The following ARHGAP42 variants were observed in gnomAD, a reference collection of about 807,000 sequenced individuals.
ARHGAP42 encodes the protein Rho GTPase activating protein 42, also known as rho GTPase-activating protein 42.
ARHGAP42 carries 63 observed loss-of-function variants against 125.0 expected under a neutral mutation model. The ratio of observed to expected loss-of-function variants is 0.50; its 90% CI spans 0.41 to 0.62. ARHGAP42 has a LOEUF of 0.62. ARHGAP42 is among the 20% of genes least tolerant of loss of function. The probability of loss-of-function intolerance (pLI) is 0.00; values close to 1 mark genes in which losing one functional copy is unlikely to be tolerated. For synonymous variants in ARHGAP42, 339 were observed against 351.0 expected, an observed-to-expected ratio of 0.97 and a Z score of 0.38; for missense variants, 766 against 1,024.2, an observed-to-expected ratio of 0.75 and a Z score of 3.44.
intron 4 of ARHGAP42, among the ~76,000 whole-genome samples, chr11:100,881,477 A>G (rs1333600096): frequency 6.6e-6 from 1 of 152,122 alleles, no homozygotes; most frequent in African/African-American, 2.4e-5. Flanking sequence ...TTTGGTGACT[A>G]TGGCCTTACA....
chr11:100,764,025 C>CTTCTT (rs1554993497), intron 1 of ARHGAP42, among the ~76,000 whole-genome samples: 6 of 101,520 alleles, frequency 5.9e-5, no homozygotes, highest in African/African-American at 2.1e-4. Context: ...TCTTCTTCTT[C>CTTCTT]TTTTTTTTTT....
chr11:100,688,084 G>A (rs1402303780), intron 1 of ARHGAP42: 2 of 299,128 alleles, frequency 6.7e-6, no homozygotes, highest in Non-Finnish European at 1.2e-5. Flanking sequence ...GTCGTTCAAA[G>A]TCATCTCGTT....
At chr11:100,898,987 A>T (rs1866447471) in intron 4 of ARHGAP42, among the ~76,000 whole-genome samples, 1 of 152,192 alleles carries the variant, frequency 6.6e-6, no homozygotes, top group Admixed American at 6.5e-5. Context: ...TTAGTGCTAT[A>T]AATTTCCCTC....
intron 1 of ARHGAP42, among the ~76,000 whole-genome samples, chr11:100,731,379 G>A (rs1200209051): frequency 6.6e-6 from 1 of 152,056 alleles, no homozygotes; most frequent in Non-Finnish European, 1.5e-5. Context: ...GGGTGGTCTC[G>A]ATCTCTTGAT....
chr11:100,969,444 T>C (rs1339378176), intron 17 of ARHGAP42, among the ~76,000 whole-genome samples: 1 of 152,144 alleles, frequency 6.6e-6, no homozygotes, highest in South Asian at 2.1e-4. Context: ...TGAGTATTTT[T>C]TTCTACTTCT....
In ARHGAP42 at chr11:100,714,392, TGTG is replaced by T. The variant is rs1467989415; in HGVS notation, c.154+26561_154+26563del. Among the ~76,000 whole-genome samples the T allele has an allele frequency of 4.7e-3, 62 of 13,316 alleles. 1 individual carries two copies. The highest frequency in any genetic ancestry group is 0.038 in the African/African-American group (54 of 1,406). The allele number at this position is 13,316 out of a possible 152,430, so 8.7% of individuals were successfully genotyped here. ...CTTACATGTAAAACATAAAAATTTGTGTGTGTGTGTGTGTGTGTGTGTGTGTGT... is the reference window on the plus strand; with the variant it reads ...CTTACATGTAAAACATAAAAATTTGTTGTGTGTGTGTGTGTGTGTGTGTGT... On this transcript the variant is annotated intron_variant, in intron 1 of 23. Transcript: ENST00000298815.
At chr11:100,880,703 C>T (rs183905803) in intron 4 of ARHGAP42, among the ~76,000 whole-genome samples, 12 of 152,342 alleles carry the variant, frequency 7.9e-5, no homozygotes, top group Non-Finnish European at 1.2e-4. Flanking sequence ...CACTAGTTTA[C>T]ATCCCACCAG....
chr11:100,766,760 G>A lies in ARHGAP42; in HGVS notation c.155-3583G>A, dbSNP rs142453181. Reference sequence around the variant, plus strand: ...GTTTTTTTGACCTCATCATTACTTCGGCATTAGGAAAATGAGAATAAATAG... The same window carrying A: ...GTTTTTTTGACCTCATCATTACTTCAGCATTAGGAAAATGAGAATAAATAG... On this transcript the variant is annotated intron_variant, in intron 1 of 23. Coordinates refer to ENST00000298815, the MANE Select transcript of ARHGAP42 (RefSeq NM_152432.4). Among the ~76,000 whole-genome samples, 466 of 152,044 alleles carry A rather than the reference G, an allele frequency of 3.1e-3. 8 individuals carry two copies. Among genetic ancestry groups the A allele is most frequent in the Admixed American group, 0.028 (421 of 15,264 alleles).
At chr11:100,867,173 T>G (rs188677192) in intron 4 of ARHGAP42, among the ~76,000 whole-genome samples, 14 of 152,316 alleles carry the variant, frequency 9.2e-5, no homozygotes, top group African/African-American at 2.9e-4. Flanking sequence ...AATGGTAAAT[T>G]AGCATTGGCT....
At chr11:100,946,965 C>G (rs1868038041) in intron 10 of ARHGAP42, among the ~76,000 whole-genome samples, 1 of 151,496 alleles carries the variant, frequency 6.6e-6, no homozygotes, top group South Asian at 2.1e-4. Flanking sequence ...TTGCCTGTAT[C>G]TAGTAGGGCA....
intron 3 of ARHGAP42, among the ~76,000 whole-genome samples, chr11:100,800,511 C>T (rs1189359209): frequency 1.3e-5 from 2 of 151,986 alleles, no homozygotes; most frequent in East Asian, 3.9e-4. Flanking sequence ...TGACATCATC[C>T]AATATGATGA....
chr11:100,907,972 C>T (rs896085657), intron 4 of ARHGAP42, among the ~76,000 whole-genome samples: 5 of 152,094 alleles, frequency 3.3e-5, no homozygotes, highest in African/African-American at 1.2e-4. Context: ...AACATGATAA[C>T]AAAAATAGTT....
chr11:100,774,181 G>C (rs1458901476), intron 2 of ARHGAP42, among the ~76,000 whole-genome samples: 3 of 152,174 alleles, frequency 2.0e-5, no homozygotes, highest in African/African-American at 7.2e-5. Context: ...AATCATTGCT[G>C]ACCTGGAAGA....
chr11:100,930,573 A>G (rs1003970589), intron 6 of ARHGAP42, among the ~76,000 whole-genome samples: 1 of 152,176 alleles, frequency 6.6e-6, no homozygotes, highest in Non-Finnish European at 1.5e-5. Flanking sequence ...GTGAATCTGA[A>G]TTCTGCTAGA....
At chr11:100,944,153 AT>A (rs1867955796) in intron 10 of ARHGAP42, among the ~76,000 whole-genome samples, 1 of 152,062 alleles carries the variant, frequency 6.6e-6, no homozygotes, top group African/African-American at 2.4e-5. Flanking sequence ...GGTCCCCATC[AT>A]CATGAAGGAA....
intron 1 of ARHGAP42, among the ~76,000 whole-genome samples, chr11:100,719,329 C>G (rs1325672417): frequency 2.0e-5 from 3 of 152,172 alleles, no homozygotes; most frequent in African/African-American, 7.2e-5. Flanking sequence ...AAGACTGTAA[C>G]AGGAGGATGT....
intron 1 of ARHGAP42, among the ~76,000 whole-genome samples, chr11:100,738,921 A>AAT (rs1221792659): frequency 1.3e-5 from 2 of 152,240 alleles, no homozygotes; most frequent in Admixed American, 1.3e-4. Context: ...CAAGCACAGA[A>AAT]GCAATCAGGA....
chr11:100,793,049 C>T (rs1322768343), intron 2 of ARHGAP42, among the ~76,000 whole-genome samples: 1 of 152,088 alleles, frequency 6.6e-6, no homozygotes, highest in Non-Finnish European at 1.5e-5. Flanking sequence ...CCACCGCGCC[C>T]AGCCAGAATT....
rs996771940 is a variant in ARHGAP42 at position 100,955,847 on chromosome 11, C to T, written c.1163-4036C>T. Among the ~76,000 whole-genome samples the T allele has an allele frequency of 2.0e-5, 3 of 151,902 alleles. No individual in the cohort carries two copies. In the East Asian group the frequency reaches 5.8e-4, roughly 29 times the overall value. On this transcript the variant is annotated intron_variant, in intron 12 of 23. Coordinates refer to ENST00000298815, the MANE Select transcript of ARHGAP42 (RefSeq NM_152432.4). ...TTTGTTTTTGGATGTTAAGAGGACA[C>T]GTTTTAGTTGAATTCTCATGAGCAC...
Sources: gnomAD v4.1 joint callset for allele counts (sites outside exome capture counted in the v4.1 genomes callset) on GRCh38, gnomAD v4.1.1 for gene constraint, MANE v1.5 for transcripts, NCBI Gene and HGNC (gene_info 2026-07-23, HGNC 2026-07-21) for gene names.